The following NEDD1 variants were observed in gnomAD, a reference collection of about 807,000 sequenced individuals.
NEDD1 encodes protein NEDD1.
Under a neutral mutation model 74.0 loss-of-function variants are expected in NEDD1, and 33 were observed. The observed-to-expected ratio is 0.45, with a 90% CI of 0.34 to 0.60. NEDD1 has a LOEUF of 0.60. NEDD1 is among the 20% of genes least tolerant of loss of function. The pLI, the probability that NEDD1 is intolerant of heterozygous loss-of-function variation, is 0.01. For synonymous variants in NEDD1, 250 were observed against 264.4 expected, an observed-to-expected ratio of 0.95 and a Z score of 0.53; for missense variants, 746 against 776.5, an observed-to-expected ratio of 0.96 and a Z score of 0.47.
At chr12:96,946,055 A>G (rs977014672) in intron 14 of NEDD1, among the ~76,000 whole-genome samples, 3 of 152,122 alleles carry the variant, frequency 2.0e-5, no homozygotes, top group African/African-American at 7.2e-5. Flanking sequence ...ACCTAGGGCA[A>G]TTATTAGGTA....
At chr12:96,934,713 T>G (rs948953916) in intron 6 of NEDD1, among the ~76,000 whole-genome samples, 2 of 152,026 alleles carry the variant, frequency 1.3e-5, no homozygotes, top group Non-Finnish European at 2.9e-5. Flanking sequence ...AATTTTTGTA[T>G]TTTTAATAAA....
intron 7 of NEDD1, 91 bp downstream of exon 7, chr12:96,935,296 A>C: frequency 1.3e-6 from 1 of 765,902 alleles, no homozygotes; most frequent in Non-Finnish European, 2.2e-6. Context: ...ACCTCTGATT[A>C]GTGTCCAGGG....
At chr12:96,932,463 A>AAAAATATATATATATATATATATAT in intron 6 of NEDD1, among the ~76,000 whole-genome samples, 1 of 9,438 alleles carries the variant, frequency 1.1e-4, no homozygotes, top group African/African-American at 3.4e-4. Context: ...AAAAAAAAAA[A>AAAAATATATATATATATATATATAT]ATATATATAT....
rs1878892210 is a variant in NEDD1 at position 96,953,654 on chromosome 12, A to G, written c.*1601A>G. 1 of 151,902 alleles carries G rather than the reference A, an allele frequency of 6.6e-6. No individual in the cohort carries two copies. The highest frequency in any genetic ancestry group is 1.9e-4 in the East Asian group (1 of 5,200). 9.4% of individuals were successfully genotyped at this position (151,902 alleles called of 1,614,324 possible). On this transcript the variant is annotated 3_prime_UTR_variant, in exon 16 of 16. Transcript: ENST00000266742. ...TTTTTGTCATGGAATTTAAAAGCTA[A>G]GTAAGTATAAAAAATAAAATGTTAT...
Position 96,944,814 on chromosome 12 carries a change from C to G in NEDD1, c.1654+19C>G, listed in dbSNP as rs759145924. On this transcript the variant is annotated intron_variant, in intron 13 of 15. Transcript: ENST00000266742. Reference sequence around the variant, plus strand: ...ACTCCAAGTAAGTACATGAAACTTCCTGATGTTTGAAAGTGTTTGATTGAA... The same window carrying G: ...ACTCCAAGTAAGTACATGAAACTTCGTGATGTTTGAAAGTGTTTGATTGAA... The G allele has an allele frequency of 3.2e-5, 48 of 1,504,660 alleles. No individual in the cohort carries two copies. In the East Asian group the frequency reaches 1.1e-3, roughly 36 times the overall value. 93.2% of individuals were successfully genotyped at this position (1,504,660 alleles called of 1,614,324 possible).
At chr12:96,907,385 C>A in intron 1 of NEDD1, 85 bp downstream of exon 1, 1 of 473,834 alleles carries the variant, frequency 2.1e-6, no homozygotes, top group Non-Finnish European at 3.7e-6. Context: ...GCTCCGTCCC[C>A]CTCAGAGGGC....
At chr12:96,933,583 G>A (rs771767489) in intron 6 of NEDD1, among the ~76,000 whole-genome samples, 33 of 151,948 alleles carry the variant, frequency 2.2e-4, no homozygotes, top group Admixed American at 1.8e-3. Flanking sequence ...TTGTACTTTA[G>A]CCATATGAAA....
intron 6 of NEDD1, among the ~76,000 whole-genome samples, chr12:96,921,719 G>C (rs1189977596): frequency 6.6e-6 from 1 of 151,398 alleles, no homozygotes; most frequent in Non-Finnish European, 1.5e-5. Flanking sequence ...GAGTGCAGGG[G>C]AATGATCATG....
Position 96,920,013 on chromosome 12 carries a change from C to A in NEDD1, c.377C>A (p.Thr126Lys). The change falls in exon 6 of 16, where the codon ACA becomes AAA. Residue 126 changes from threonine (T) to lysine (K), a missense_variant. Transcript: ENST00000266742. ...KDHKDQVTCV[T>K]YNWNDCYIAS... ...CATAAAGATCAAGTAACTTGTGTAA[C>A]ATACAATTGGAATGATTGCTACATT... The A allele has an allele frequency of 6.2e-7, 1 of 1,605,786 alleles. No individual in the cohort carries two copies.
At chr12:96,930,225 T>TCC (rs1876296323) in intron 6 of NEDD1, among the ~76,000 whole-genome samples, 1 of 147,786 alleles carries the variant, frequency 6.8e-6, no homozygotes, top group African/African-American at 2.5e-5. Flanking sequence ...TCTCTCTCTC[T>TCC]CTCTCTCTCT....
intron 12 of NEDD1, 96 bp from the exon 13 acceptor site, chr12:96,944,543 C>A: frequency 1.6e-6 from 1 of 626,880 alleles, no homozygotes; most frequent in Non-Finnish European, 2.7e-6. Flanking sequence ...TATTAACCTA[C>A]ATACTGGGAC....
intron 15 of NEDD1, 43 bp downstream of exon 15, chr12:96,951,541 G>C (rs1014965785): frequency 3.0e-6 from 3 of 1,003,094 alleles, no homozygotes; most frequent in Non-Finnish European, 4.6e-6. Flanking sequence ...AATGAAAGTA[G>C]AGTTGTGTGA....
intron 4 of NEDD1, among the ~76,000 whole-genome samples, chr12:96,915,418 T>G (rs931692669): frequency 6.6e-6 from 1 of 150,710 alleles, no homozygotes; most frequent in Admixed American, 6.6e-5. Flanking sequence ...AGAATCTCTT[T>G]TGAGCAGAGG....
chr12:96,940,024 G>C (rs1240745010), intron 9 of NEDD1, among the ~76,000 whole-genome samples: 12 of 152,014 alleles, frequency 7.9e-5, no homozygotes, highest in Admixed American at 7.9e-4. Flanking sequence ...CACATTTGTA[G>C]ATGATCATGA....
intron 6 of NEDD1, 64 bp downstream of exon 6, chr12:96,920,189 G>A: frequency 9.9e-7 from 1 of 1,009,244 alleles, no homozygotes; most frequent in Non-Finnish European, 1.4e-6. Flanking sequence ...TCTTACATAA[G>A]ACTGTGAATT....
At chr12:96,944,516 C>T in intron 12 of NEDD1, 123 bp from the exon 13 acceptor site, 3 of 506,556 alleles carry the variant, frequency 5.9e-6, no homozygotes, top group Non-Finnish European at 1.0e-5. Flanking sequence ...ATATCTCTTC[C>T]TATTTTCCTT....
chr12:96,929,333 G>T (rs1592894532), intron 6 of NEDD1, among the ~76,000 whole-genome samples: 1 of 133,568 alleles, frequency 7.5e-6, no homozygotes, highest in South Asian at 2.3e-4. Flanking sequence ...TTAAATTTAT[G>T]TTTTTTTTCT....
rs113303198 is a variant in NEDD1 at position 96,937,157 on chromosome 12, CATT to C, written c.922-39_922-37del. The C allele has an allele frequency of 4.3e-3, 5,056 of 1,163,728 alleles. 151 individuals are homozygous for C. The African/African-American group carries it at 0.072, about 17-fold the overall frequency. The allele number at this position is 1,163,728 out of a possible 1,614,324, so 72.1% of individuals were successfully genotyped here. A position where few individuals can be genotyped will look rare whatever the true frequency, so the allele number is the denominator to read the frequency against. ...TAAAATATTAATGTATAGTATGAAA[CATT>C]AGTAACCTGAGCTTTTAAATATTCC... On this transcript the variant is annotated intron_variant, in intron 8 of 15. Transcript: ENST00000266742.
intron 6 of NEDD1, among the ~76,000 whole-genome samples, chr12:96,927,991 A>C (rs1334017277): frequency 6.6e-6 from 1 of 152,172 alleles, no homozygotes; most frequent in East Asian, 1.9e-4. Flanking sequence ...TGACTAGCCT[A>C]TATAATATGT....
Sources: gnomAD v4.1 joint callset for allele counts (sites outside exome capture counted in the v4.1 genomes callset) on GRCh38, gnomAD v4.1.1 for gene constraint, MANE v1.5 for transcripts, NCBI Gene and HGNC (gene_info 2026-07-23, HGNC 2026-07-21) for gene names.